NT5C2: variants seen among roughly 807,000 people sequenced by gnomAD.
The protein encoded by NT5C2 is cytosolic purine 5'-nucleotidase.
Under a neutral mutation model 76.1 loss-of-function variants are expected in NT5C2, and 58 were observed. That is an observed-to-expected ratio of 0.76 (90% CI 0.62 to 0.95). The LOEUF is 0.95. NT5C2 is among the 40% of genes least tolerant of loss of function. The pLI, the probability that NT5C2 is intolerant of heterozygous loss-of-function variation, is 0.00. For synonymous variants in NT5C2, 229 were observed against 237.4 expected, an observed-to-expected ratio of 0.96 and a Z score of 0.32; for missense variants, 478 against 690.3, an observed-to-expected ratio of 0.69 and a Z score of 3.45.
intron 3 of NT5C2, among the ~76,000 whole-genome samples, chr10:103,148,257 T>C (rs1047857824): frequency 2.6e-4 from 39 of 152,196 alleles, no homozygotes; most frequent in African/African-American, 9.2e-4. Flanking sequence ...GTTTTAACAT[T>C]TTCTCTGAGG....
intron 15 of NT5C2, among the ~76,000 whole-genome samples, chr10:103,092,866 G>A (rs1322804508): frequency 1.3e-5 from 2 of 151,648 alleles, no homozygotes; most frequent in Non-Finnish European, 2.9e-5. Context: ...TCACAACTTA[G>A]TGTTACTGTA....
intron 3 of NT5C2, among the ~76,000 whole-genome samples, chr10:103,143,612 T>G (rs932017389): frequency 2.9e-4 from 39 of 134,078 alleles, no homozygotes; most frequent in Non-Finnish European, 3.7e-4. Flanking sequence ...ATTTTTTTTT[T>G]TTTTTTTTTT....
chr10:103,164,957 A>G lies in NT5C2; in HGVS notation c.101+9901T>C, dbSNP rs183033766. Reference sequence around the variant, plus strand: ...AAGAGAGAGTGCTTTAGGATTCAATACATTCTTTTGAACAGTAACATTTAG... The same window carrying G: ...AAGAGAGAGTGCTTTAGGATTCAATGCATTCTTTTGAACAGTAACATTTAG... On this transcript the variant is annotated intron_variant, in intron 3 of 18. Coordinates refer to ENST00000404739, the MANE Select transcript of NT5C2 (RefSeq NM_001351169.2). Among the ~76,000 whole-genome samples the G allele has an allele frequency of 4.0e-3, 617 of 152,370 alleles. 2 individuals are homozygous for G. Among genetic ancestry groups the G allele is most frequent in the Admixed American group, 9.9e-3 (152 of 15,302 alleles).
At position 103,095,989 on chromosome 10, in the gene NT5C2, A is replaced by T. The variant is rs749897762; in HGVS notation, c.772-9T>A. The T allele has an allele frequency of 1.1e-5, 17 of 1,612,678 alleles. No individual in the cohort carries two copies. Among genetic ancestry groups the T allele is most frequent in the Non-Finnish European group, 1.4e-5 (16 of 1,178,868 alleles). The stretch of plus-strand genomic sequence containing the variant: ...AGGTAAGTCATAATTTTCTGGAAAA[A>T]AAAATTTAACATAAGGTCCATATAC... On this transcript the variant is annotated splice_polypyrimidine_tract_variant and intron_variant, in intron 11 of 18. Coordinates refer to ENST00000404739, the MANE Select transcript of NT5C2 (RefSeq NM_001351169.2).
chr10:103,178,816 C>T (rs1396738330), intron 2 of NT5C2, among the ~76,000 whole-genome samples: 5 of 131,840 alleles, frequency 3.8e-5, no homozygotes, highest in African/African-American at 1.4e-4. Context: ...GCCTGGGCAA[C>T]AAGATCAAGA....
At chr10:103,186,582 C>A (rs1394688158) in intron 1 of NT5C2, among the ~76,000 whole-genome samples, 1 of 152,156 alleles carries the variant, frequency 6.6e-6, no homozygotes, top group Non-Finnish European at 1.5e-5. Context: ...TTCACCAAAC[C>A]TACTTCAAAA....
At chr10:103,103,954 A>G (rs895387958) in intron 6 of NT5C2, among the ~76,000 whole-genome samples, 2 of 152,190 alleles carry the variant, frequency 1.3e-5, no homozygotes, top group Admixed American at 6.5e-5. Context: ...CCTGGGCTCA[A>G]GCACTCCTCC....
chr10:103,119,091 C>G (rs941571433), intron 4 of NT5C2, among the ~76,000 whole-genome samples: 2 of 152,024 alleles, frequency 1.3e-5, no homozygotes, highest in East Asian at 3.9e-4. Context: ...GTCAGAGGGC[C>G]GGGCACAGTG....
At chr10:103,120,413 A>G (rs2075418348) in intron 4 of NT5C2, among the ~76,000 whole-genome samples, 1 of 152,248 alleles carries the variant, frequency 6.6e-6, no homozygotes, top group Non-Finnish European at 1.5e-5. Context: ...TCCAGAATAT[A>G]TAAAGATTAA....
chr10:103,142,245 G>A (rs755113405), intron 3 of NT5C2, among the ~76,000 whole-genome samples: 8 of 152,196 alleles, frequency 5.3e-5, no homozygotes, highest in South Asian at 4.1e-4. Context: ...ACTTTATCCC[G>A]CATTTAAGAC....
intron 3 of NT5C2, among the ~76,000 whole-genome samples, chr10:103,144,241 A>T (rs2081095000): frequency 1.3e-5 from 2 of 152,218 alleles, no homozygotes; most frequent in Non-Finnish European, 2.9e-5. Flanking sequence ...TGACATGCCT[A>T]AAATATTCTA....
At chr10:103,123,564 A>G (rs1462307209) in intron 4 of NT5C2, among the ~76,000 whole-genome samples, 2 of 152,216 alleles carry the variant, frequency 1.3e-5, no homozygotes, top group African/African-American at 4.8e-5. Context: ...AGGCTGTGGT[A>G]AGGATTAAAA....
At chr10:103,179,338 G>A (rs1397659090) in intron 2 of NT5C2, among the ~76,000 whole-genome samples, 1 of 152,050 alleles carries the variant, frequency 6.6e-6, no homozygotes, top group Non-Finnish European at 1.5e-5. Context: ...CCTCTCTTGG[G>A]GTCTGGATCA....
rs981875481 is a variant in NT5C2 at position 103,148,000 on chromosome 10, TAAAA to T, written c.102-8525_102-8522del. 2.6e-5 allele frequency among the ~76,000 whole-genome samples: 4 copies of T among 152,060 alleles called. No homozygotes were observed. The East Asian group carries it at 7.7e-4, about 29-fold the overall frequency. ...AATTGTATCTCAATAAAGCTGTTAT[TAAAA>T]AAAAGTAATAGGAAGACCTCAGTCT... On this transcript the variant is annotated intron_variant, in intron 3 of 18. Coordinates refer to ENST00000404739, the MANE Select transcript of NT5C2 (RefSeq NM_001351169.2).
chr10:103,141,976 ATCAATCAGTAG>A (rs2080507123), intron 3 of NT5C2, among the ~76,000 whole-genome samples: 1 of 152,214 alleles, frequency 6.6e-6, no homozygotes, highest in Admixed American at 6.5e-5. Context: ...CTGAATCTTA[ATCAATCAGTAG>A]TTTTCCATTA....
rs186492234 is a variant in NT5C2, at chr10:103,177,058, G to C, written c.-24-2076C>G. On this transcript the variant is annotated intron_variant, in intron 2 of 18. Transcript: ENST00000404739. ...CTGGTTTTACTGTAACATTTGAAAA[G>C]GAAAAAATGTCATCCCTTTAAAAGA... Among the ~76,000 whole-genome samples, 543 of 151,754 alleles carry C rather than the reference G, an allele frequency of 3.6e-3. 6 individuals are homozygous for C. The highest frequency in any genetic ancestry group is 6.2e-4 in the Non-Finnish European group (42 of 67,918).
intron 4 of NT5C2, among the ~76,000 whole-genome samples, chr10:103,115,957 A>G (rs2074245726): frequency 6.6e-6 from 1 of 152,150 alleles, no homozygotes. Context: ...CCTAACATGG[A>G]GGGACCACCT....
At chr10:103,110,506 T>C (rs1357637260) in intron 4 of NT5C2, among the ~76,000 whole-genome samples, 1 of 151,626 alleles carries the variant, frequency 6.6e-6, no homozygotes, top group Non-Finnish European at 1.5e-5. Context: ...ATACTACCAC[T>C]GCAAAAAGTG....
intron 1 of NT5C2, among the ~76,000 whole-genome samples, chr10:103,182,734 T>C (rs1471616236): frequency 2.0e-5 from 3 of 152,218 alleles, no homozygotes; most frequent in Admixed American, 2.0e-4. Context: ...AAGGATAATT[T>C]TGAATAATTT....
Sources: allele counts gnomAD v4.1 joint callset (sites outside exome capture counted in the v4.1 genomes callset), GRCh38; gene constraint gnomAD v4.1.1; transcripts MANE v1.5; gene names NCBI Gene and HGNC (gene_info 2026-07-23, HGNC 2026-07-21).